Variants in DOCK1 observed in about 807,000 individuals in gnomAD.
DOCK1 encodes the protein dedicator of cytokinesis 1.
Under a neutral mutation model 262.7 loss-of-function variants are expected in DOCK1, and 138 were observed. That is an observed-to-expected ratio of 0.53 (90% CI 0.46 to 0.61). DOCK1 has a LOEUF of 0.61. DOCK1 is among the 20% of genes least tolerant of loss of function. The pLI, the probability that DOCK1 is intolerant of heterozygous loss-of-function variation, is 0.00. For missense variants in DOCK1, 1,908 were observed against 2,370.7 expected (o/e 0.80, Z 4.05); for synonymous variants, 866 against 867.4 (o/e 1.00, Z 0.03).
intron 16 of DOCK1, among the ~76,000 whole-genome samples, chr10:127,029,870 TGCC>T (rs202052509): frequency 1.3e-5 from 2 of 151,638 alleles, no homozygotes; most frequent in African/African-American, 4.9e-5. Context: ...TCTTTTTTGT[TGCC>T]GTTGTTTCCA....
intron 33 of DOCK1, 117 bp from the exon 34 acceptor site, chr10:127,373,664 G>A: frequency 1.1e-6 from 1 of 915,448 alleles, no homozygotes; most frequent in Non-Finnish European, 1.7e-6. Context: ...GGCTTCAAAG[G>A]CAGAGGGTAG....
At position 127,362,147 on chromosome 10, in the gene DOCK1, G is replaced by T. The variant is rs2064494760; in HGVS notation, c.3367G>T (p.Ala1123Ser). Residue 1123 changes from alanine to serine, a missense_variant, in exon 33 of 52, where the codon GCC becomes TCC. Physicochemically the swap from Ala to Ser is moderately conservative, Grantham distance 99. Transcript: ENST00000623213. ...AATTCCCGAGACGGAGCTGCGCAAA[G>T]CCACCATCCCCATCTTCTTTGATAT... ...TLIPETELRK[A>S]TIPIFFDMMQ... is the part of the protein sequence containing the mutation. 1 of 1,613,770 alleles carries T rather than the reference G, an allele frequency of 6.2e-7. No homozygotes were observed. The highest frequency in any genetic ancestry group is 1.3e-5 in the African/African-American group (1 of 74,918).
chr10:127,391,565 G>A (rs977470246), intron 38 of DOCK1, among the ~76,000 whole-genome samples: 7 of 152,084 alleles, frequency 4.6e-5, no homozygotes, highest in African/African-American at 1.2e-4. Context: ...GCTTAGCAAG[G>A]ATAAGTCACG....
At chr10:127,181,741 C>T (rs757281077) in intron 27 of DOCK1, among the ~76,000 whole-genome samples, 8 of 152,284 alleles carry the variant, frequency 5.3e-5, no homozygotes, top group Non-Finnish European at 1.2e-4. Flanking sequence ...TCTTCACCAC[C>T]GGCTTCCACC....
intron 27 of DOCK1, among the ~76,000 whole-genome samples, chr10:127,212,813 A>G (rs2058042176): frequency 1.3e-5 from 2 of 150,788 alleles, no homozygotes; most frequent in South Asian, 4.2e-4. Flanking sequence ...CCCTTGCCAA[A>G]AAAAAAAAAA....
intron 23 of DOCK1, among the ~76,000 whole-genome samples, chr10:127,088,652 G>T (rs1049364310): frequency 1.3e-5 from 2 of 152,138 alleles, no homozygotes; most frequent in African/African-American, 4.8e-5. Flanking sequence ...AAAATGAACT[G>T]GAAGCCGGGT....
chr10:126,970,615 C>T, intron 1 of DOCK1, 87 bp from the exon 2 acceptor site: 2 of 1,015,360 alleles, frequency 2.0e-6, no homozygotes, highest in Non-Finnish European at 3.0e-6. Context: ...ATATTAAAAA[C>T]AACAACATTA....
intron 42 of DOCK1, among the ~76,000 whole-genome samples, chr10:127,409,962 G>A (rs913196829): frequency 3.9e-5 from 6 of 152,120 alleles, no homozygotes; most frequent in Admixed American, 2.0e-4. Flanking sequence ...CAGTTGTATC[G>A]CACCTGACTT....
chr10:127,223,126 T>A (rs2058503962), intron 27 of DOCK1, among the ~76,000 whole-genome samples: 1 of 152,230 alleles, frequency 6.6e-6, no homozygotes, highest in Admixed American at 6.5e-5. Flanking sequence ...TGGTCACAAC[T>A]AATAAATCAA....
intron 27 of DOCK1, among the ~76,000 whole-genome samples, chr10:127,208,663 G>A (rs183142454): frequency 6.6e-5 from 10 of 152,074 alleles, no homozygotes; most frequent in East Asian, 1.9e-4. Flanking sequence ...TCAAGACCCC[G>A]TTTCATTTTT....
intron 29 of DOCK1, among the ~76,000 whole-genome samples, chr10:127,278,440 T>C (rs1408073236): frequency 6.6e-6 from 1 of 152,120 alleles, no homozygotes; most frequent in African/African-American, 2.4e-5. Context: ...CAAGCAGAAC[T>C]AGAATTCACT....
intron 23 of DOCK1, among the ~76,000 whole-genome samples, chr10:127,062,310 T>C (rs1172980845): frequency 2.6e-5 from 4 of 152,306 alleles, no homozygotes; most frequent in African/African-American, 7.2e-5. Context: ...TACGCTGATA[T>C]TTCAGTACAG....
rs902893019 is a variant in DOCK1 at position 126,912,157 on chromosome 10, G to A, written c.46+6594G>A. Among the ~76,000 whole-genome samples the A allele has an allele frequency of 3.9e-5, 6 of 152,152 alleles. 1 individual carries two copies. The highest frequency in any genetic ancestry group is 4.1e-4 in the South Asian group (2 of 4,832). ...TTACAAGGCCACTATGGCCAGCCTC[G>A]GTGGCTCACACCTGTAATCCCAGCA... On this transcript the variant is annotated intron_variant, in intron 1 of 51. Coordinates refer to ENST00000623213, the MANE Select transcript of DOCK1 (RefSeq NM_001290223.2).
Position 127,012,176 on chromosome 10 carries a change from C to T in DOCK1, c.1059-56C>T. The T allele has an allele frequency of 1.1e-6, 1 of 910,630 alleles. No homozygotes were observed. The highest frequency in any genetic ancestry group is 1.4e-5 in the South Asian group (1 of 73,914). 56.4% of individuals were successfully genotyped at this position (910,630 alleles called of 1,614,324 possible). A position where few individuals can be genotyped will look rare whatever the true frequency, so the allele number is the denominator to read the frequency against. On this transcript the variant is annotated intron_variant, in intron 11 of 51. Coordinates refer to ENST00000623213, the MANE Select transcript of DOCK1 (RefSeq NM_001290223.2). This position sits in a 1 kb window ranked among gnomAD's most constrained non-coding sequence, Gnocchi z 4.0. ...CTTATGTTCCCTTGTTACCGTGGCC[C>T]ATGGGTCTCTGTGCCCCTTTGTCTC...
intron 23 of DOCK1, among the ~76,000 whole-genome samples, chr10:127,068,175 A>G (rs939778854): frequency 1.3e-5 from 2 of 152,168 alleles, no homozygotes; most frequent in Non-Finnish European, 2.9e-5. Flanking sequence ...CTGATTTGAA[A>G]TGAACTGTAT....
chr10:127,441,775 TC>T (rs954686196), intron 49 of DOCK1, among the ~76,000 whole-genome samples: 7 of 151,580 alleles, frequency 4.6e-5, no homozygotes, highest in African/African-American at 1.7e-4. Flanking sequence ...GCAAAGGTTT[TC>T]CCTCCTCACC....
At chr10:127,077,934 A>G (rs952700459) in intron 23 of DOCK1, among the ~76,000 whole-genome samples, 4 of 151,884 alleles carry the variant, frequency 2.6e-5, no homozygotes, top group African/African-American at 9.7e-5. Flanking sequence ...GGAGAAGGAC[A>G]GTGGAAGGAG....
intron 30 of DOCK1, among the ~76,000 whole-genome samples, chr10:127,341,350 C>T (rs1157372446): frequency 6.6e-6 from 1 of 151,182 alleles, no homozygotes; most frequent in Non-Finnish European, 1.5e-5. Flanking sequence ...CACTCGTTTT[C>T]TACTGCAGAA....
At chr10:127,027,874 A>G (rs918190931) in intron 16 of DOCK1, among the ~76,000 whole-genome samples, 1 of 152,004 alleles carries the variant, frequency 6.6e-6, no homozygotes, top group African/African-American at 2.4e-5. Flanking sequence ...TGTGCAGATC[A>G]TCGAGAAGCT....
Sources: allele counts gnomAD v4.1 joint callset (sites outside exome capture counted in the v4.1 genomes callset), GRCh38; gene constraint gnomAD v4.1.1; non-coding constraint Gnocchi (gnomAD v3.1); transcripts MANE v1.5; gene names NCBI Gene and HGNC (gene_info 2026-07-23, HGNC 2026-07-21).